The following SLC35F3 variants were observed in gnomAD, a reference collection of about 807,000 sequenced individuals.
SLC35F3 encodes the protein solute carrier family 35 member F3.
In SLC35F3, 25 loss-of-function variants were observed where a neutral mutation model predicts 49.9. That is an observed-to-expected ratio of 0.50 (90% CI 0.37 to 0.70). The LOEUF is 0.70. Ranked by LOEUF, SLC35F3 falls within the 30% of genes least tolerant of loss-of-function variation. SLC35F3 has a pLI of 0.00. For missense variants in SLC35F3, 525 were observed against 639.8 expected (o/e 0.82, Z 1.94); for synonymous variants, 275 against 265.4 (o/e 1.04, Z -0.35).
chr1:234,240,016 G>A (rs1667529468), intron 3 of SLC35F3, among the ~76,000 whole-genome samples: 1 of 152,176 alleles, frequency 6.6e-6, no homozygotes, highest in African/African-American at 2.4e-5. Flanking sequence ...GTTCTAAACT[G>A]TTCTTGGTCC....
intron 2 of SLC35F3, among the ~76,000 whole-genome samples, chr1:234,145,075 C>T (rs151107941): frequency 9.8e-4 from 150 of 152,306 alleles, no homozygotes; most frequent in African/African-American, 3.3e-3. Context: ...TATTAAACAG[C>T]GCAAGGCTCA....
At chr1:234,261,449 G>A (rs1050463431) in intron 3 of SLC35F3, among the ~76,000 whole-genome samples, 3 of 152,174 alleles carry the variant, frequency 2.0e-5, no homozygotes, top group Non-Finnish European at 4.4e-5. Flanking sequence ...ATGTTGCCGT[G>A]GCATTTGTAA....
intron 3 of SLC35F3, among the ~76,000 whole-genome samples, chr1:234,272,928 G>T (rs1668132091): frequency 6.6e-6 from 1 of 152,146 alleles, no homozygotes; most frequent in Non-Finnish European, 1.5e-5. Context: ...CTCTCAGGTG[G>T]ACTTGGAAGC....
intron 3 of SLC35F3, among the ~76,000 whole-genome samples, chr1:234,264,562 G>A (rs551908401): frequency 4.2e-4 from 64 of 152,098 alleles, no homozygotes; most frequent in African/African-American, 1.5e-3. Context: ...TTTTCATCTC[G>A]TTGATAGAGG....
At chr1:234,247,839 T>TTTGATGGGTCAGTTGGCTGGTGCATTGC (rs1667663294) in intron 3 of SLC35F3, among the ~76,000 whole-genome samples, 1 of 152,122 alleles carries the variant, frequency 6.6e-6, no homozygotes, top group Non-Finnish European at 1.5e-5. Context: ...TGGTGCATTG[T>TTTGATGGGTCAGTTGGCTGGTGCATTGC]TTGATGGGTC....
chr1:234,076,385 C>T (rs1359363632), intron 2 of SLC35F3, among the ~76,000 whole-genome samples: 1 of 151,904 alleles, frequency 6.6e-6, no homozygotes, highest in African/African-American at 2.4e-5. Context: ...ATCACTTGAG[C>T]CCAAGAGTTT....
At chr1:233,916,716 A>G (rs1571977874) in intron 2 of SLC35F3, among the ~76,000 whole-genome samples, 1 of 152,206 alleles carries the variant, frequency 6.6e-6, no homozygotes, top group African/African-American at 2.4e-5. Context: ...TTGTCTCTCA[A>G]TACGTTGGAG....
rs1380046833 is a variant in SLC35F3, at chr1:233,957,685, G to A, written c.283+51927G>A. Reference sequence around the variant, plus strand: ...CAAAAATTAGTTAGGCATGGTGGTGGGTGCCTGTACTCCCAGCTACTTGGG... The same window carrying A: ...CAAAAATTAGTTAGGCATGGTGGTGAGTGCCTGTACTCCCAGCTACTTGGG... On this transcript the variant is annotated intron_variant, in intron 2 of 7. Transcript: ENST00000366618. The surrounding 1 kb of genome is among the most constrained non-coding windows in gnomAD (Gnocchi z 4.0). 1.3e-5 allele frequency among the ~76,000 whole-genome samples: 2 copies of A among 152,000 alleles called. No homozygotes were observed. Among genetic ancestry groups the A allele is most frequent in the Non-Finnish European group, 2.9e-5 (2 of 67,994 alleles).
intron 7 of SLC35F3, among the ~76,000 whole-genome samples, chr1:234,321,038 C>G (rs1269972770): frequency 8.1e-5 from 2 of 24,760 alleles, no homozygotes; most frequent in African/African-American, 5.9e-4. Flanking sequence ...TAAAAGATTG[C>G]CCCCCCCCCA....
intron 2 of SLC35F3, among the ~76,000 whole-genome samples, chr1:234,159,836 C>G (rs1204794651): frequency 6.6e-6 from 1 of 152,148 alleles, no homozygotes; most frequent in African/African-American, 2.4e-5. Context: ...TAAAAATAAT[C>G]ACTACACAAT....
intron 2 of SLC35F3, among the ~76,000 whole-genome samples, chr1:233,907,991 G>A (rs1661803844): frequency 6.6e-6 from 1 of 152,216 alleles, no homozygotes; most frequent in Non-Finnish European, 1.5e-5. Context: ...CTCCCAAAGT[G>A]CTGGGATTAT....
At position 234,214,861 on chromosome 1, in the gene SLC35F3, C is replaced by T; in HGVS notation, c.284-16556C>T. On this transcript the variant is annotated intron_variant, in intron 2 of 7. Transcript: ENST00000366618. The surrounding 1 kb of genome is among the most constrained non-coding windows in gnomAD (Gnocchi z 8.0). ...CCCAGCGCATCTGGCAGCAGCTGCACCCTCACCTCCATCCCAGTTTGTCCT... is the reference window on the plus strand; with the variant it reads ...CCCAGCGCATCTGGCAGCAGCTGCATCCTCACCTCCATCCCAGTTTGTCCT... 3 of 372,292 alleles carry T rather than the reference C, an allele frequency of 8.1e-6. No individual in the cohort carries two copies. Among genetic ancestry groups the T allele is most frequent in the Non-Finnish European group, 1.4e-5 (3 of 207,412 alleles). 23.1% of individuals were successfully genotyped at this position (372,292 alleles called of 1,614,324 possible). A position where few individuals can be genotyped will look rare whatever the true frequency, so the allele number is the denominator to read the frequency against.
chr1:233,985,658 CT>C (rs1250513587), intron 2 of SLC35F3, among the ~76,000 whole-genome samples: 1 of 152,190 alleles, frequency 6.6e-6, no homozygotes, highest in Non-Finnish European at 1.5e-5. Flanking sequence ...TCAGCACAGC[CT>C]TTCAGCAATC....
At chr1:234,255,992 C>A (rs188855874) in intron 3 of SLC35F3, among the ~76,000 whole-genome samples, 5,564 of 152,180 alleles carry the variant, frequency 0.037, 356 homozygotes, top group African/African-American at 0.13. Flanking sequence ...GTTCATCAAT[C>A]ATAACAAATG....
chr1:234,272,382 G>A (rs190090300), intron 3 of SLC35F3: 4 of 152,324 alleles, frequency 2.6e-5, no homozygotes, highest in African/African-American at 9.6e-5. Context: ...GACCAGACAA[G>A]TTAAGAAGTA....
chr1:233,906,558 T>C (rs1431465242), intron 2 of SLC35F3, among the ~76,000 whole-genome samples: 1 of 152,228 alleles, frequency 6.6e-6, no homozygotes, highest in African/African-American at 2.4e-5. Context: ...CTCATCACTG[T>C]AGTTTGACAT....
At chr1:234,293,577 G>A (rs1668542132) in intron 3 of SLC35F3, among the ~76,000 whole-genome samples, 1 of 152,200 alleles carries the variant, frequency 6.6e-6, no homozygotes, top group South Asian at 2.1e-4. Flanking sequence ...CATGTGCCAT[G>A]GAAATCCATC....
At chr1:234,277,619 T>C (rs560486639) in intron 3 of SLC35F3, among the ~76,000 whole-genome samples, 1 of 152,322 alleles carries the variant, frequency 6.6e-6, no homozygotes, top group South Asian at 2.1e-4. Flanking sequence ...CTAACTGAAC[T>C]TTACTAAAGA....
chr1:234,158,826 T>G lies in SLC35F3; in HGVS notation c.284-72591T>G, dbSNP rs375019779. ...GACAAAAGATCTGAGAACAGTGAAC[T>G]AAGAAATATATGTAATCACTGCTTT... On this transcript the variant is annotated intron_variant, in intron 2 of 7. Transcript: ENST00000366618. 5.3e-5 allele frequency among the ~76,000 whole-genome samples: 8 copies of G among 152,328 alleles called. No individual in the cohort carries two copies. The East Asian group carries it at 1.3e-3, about 26-fold the overall frequency.
Sources: gnomAD v4.1 joint callset for allele counts (sites outside exome capture counted in the v4.1 genomes callset) on GRCh38, gnomAD v4.1.1 for gene constraint, Gnocchi (gnomAD v3.1) non-coding constraint, MANE v1.5 for transcripts, NCBI Gene and HGNC (gene_info 2026-07-23, HGNC 2026-07-21) for gene names.